Variants in RARB observed in about 807,000 individuals in gnomAD.
RARB encodes retinoic acid receptor beta.
In RARB, 17 loss-of-function variants were observed where a neutral mutation model predicts 51.9. The observed-to-expected ratio is 0.33, with a 90% confidence interval of 0.22 to 0.49. RARB has a LOEUF of 0.49. RARB is among the 20% of genes least tolerant of loss of function. The pLI is 0.99. For synonymous variants in RARB, 215 were observed against 195.4 expected, an observed-to-expected ratio of 1.10 and a Z score of -0.84; for missense variants, 369 against 550.8, an observed-to-expected ratio of 0.67 and a Z score of 3.30.
intron 3 of RARB, among the ~76,000 whole-genome samples, chr3:25,075,949 G>A (rs1698862977): frequency 6.6e-6 from 1 of 152,260 alleles, no homozygotes; most frequent in East Asian, 1.9e-4. Context: ...ATGTCTGAAA[G>A]AGAATGCTAG....
intron 5 of RARB, among the ~76,000 whole-genome samples, chr3:25,295,260 A>G (rs768651888): frequency 7.2e-5 from 11 of 152,124 alleles, no homozygotes; most frequent in South Asian, 2.1e-4. Context: ...CCAGTCCCCA[A>G]TGTGTTGGTA....
In RARB at chr3:25,448,991, A is replaced by G. The variant is rs959169975; in HGVS notation, c.158-12202A>G. Reference sequence around the variant, plus strand: ...TGACAGAAAAGCTATTGCACAACCAATTCTGGATATTGGGTTCATTCTTGT... The same window carrying G: ...TGACAGAAAAGCTATTGCACAACCAGTTCTGGATATTGGGTTCATTCTTGT... On this transcript the variant is annotated intron_variant, in intron 1 of 7. Transcript: ENST00000330688. Among the ~76,000 whole-genome samples, 5 of 152,080 alleles carry G rather than the reference A, an allele frequency of 3.3e-5. No homozygotes were observed. The East Asian group carries it at 5.8e-4, about 18-fold the overall frequency.
chr3:25,379,424 G>A (rs923315833), intron 5 of RARB, among the ~76,000 whole-genome samples: 4 of 152,196 alleles, frequency 2.6e-5, no homozygotes, highest in Non-Finnish European at 2.9e-5. Flanking sequence ...CCATGGGTAT[G>A]TCAGATTATG....
At chr3:25,532,341 TA>T (rs1352597141) in intron 3 of RARB, among the ~76,000 whole-genome samples, 2 of 152,232 alleles carry the variant, frequency 1.3e-5, no homozygotes, top group African/African-American at 4.8e-5. Flanking sequence ...ACATGCTTTT[TA>T]AATCATGTGG....
intron 2 of RARB, among the ~76,000 whole-genome samples, chr3:25,022,171 G>A (rs577954514): frequency 1.3e-4 from 20 of 152,268 alleles, no homozygotes; most frequent in Non-Finnish European, 2.4e-4. Context: ...TAACGAAATC[G>A]TAAATGTACA....
intron 2 of RARB, among the ~76,000 whole-genome samples, chr3:25,494,253 G>GCATGCGCGCGCACTCACACACACACA (rs1696897960): frequency 7.6e-6 from 1 of 131,852 alleles, no homozygotes. Context: ...TGTATCTTAC[G>GCATGCGCGCGCACTCACACACACACA]CACACACACA....
intron 5 of RARB, among the ~76,000 whole-genome samples, chr3:25,396,572 G>A (rs1304547132): frequency 6.6e-6 from 1 of 152,190 alleles, no homozygotes; most frequent in East Asian, 1.9e-4. Flanking sequence ...AAGTATTCAA[G>A]TTAGTAGGTA....
intron 3 of RARB, among the ~76,000 whole-genome samples, chr3:25,529,422 A>T (rs1447286308): frequency 6.6e-6 from 1 of 152,118 alleles, no homozygotes; most frequent in Non-Finnish European, 1.5e-5. Context: ...ACATAGGGTC[A>T]GCAACAGAAG....
At chr3:25,213,531 T>C (rs1004346906) in intron 5 of RARB, among the ~76,000 whole-genome samples, 1 of 152,236 alleles carries the variant, frequency 6.6e-6, no homozygotes, top group Non-Finnish European at 1.5e-5. Flanking sequence ...AGCATCCTTG[T>C]ACATGTCTTT....
chr3:25,369,242 A>G (rs890917216), intron 5 of RARB, among the ~76,000 whole-genome samples: 1 of 152,234 alleles, frequency 6.6e-6, no homozygotes, highest in Non-Finnish European at 1.5e-5. Flanking sequence ...CTTATTTTAT[A>G]TATGACACTG....
chr3:25,444,887 A>C (rs1708859466), intron 1 of RARB, among the ~76,000 whole-genome samples: 2 of 152,186 alleles, frequency 1.3e-5, no homozygotes, highest in East Asian at 1.9e-4. Context: ...TATTGAGCAG[A>C]CCATCTTTAG....
intron 1 of RARB, among the ~76,000 whole-genome samples, chr3:25,440,632 G>A (rs1031180657): frequency 1.3e-5 from 2 of 151,904 alleles, no homozygotes; most frequent in Non-Finnish European, 2.9e-5. Context: ...TTAGCTGGGC[G>A]TGGTGGTGCC....
intron 2 of RARB, among the ~76,000 whole-genome samples, chr3:24,885,373 C>G (rs1184771133): frequency 7.2e-5 from 11 of 152,180 alleles, no homozygotes; most frequent in Admixed American, 6.5e-4. Flanking sequence ...CAAGAATGTT[C>G]TGGTGGGGAT....
chr3:25,582,922 G>A (rs142490385), intron 5 of RARB, among the ~76,000 whole-genome samples: 269 of 152,310 alleles, frequency 1.8e-3, no homozygotes, highest in Non-Finnish European at 3.1e-3. Flanking sequence ...ATTAACAGCT[G>A]TAATACCTAG....
chr3:25,428,434 C>T lies in RARB; in HGVS notation c.-298C>T, dbSNP rs1708067138. 9.5e-6 allele frequency: 12 copies of T among 1,269,582 alleles called. No individual in the cohort carries two copies. The South Asian group carries it at 3.3e-4, about 34-fold the overall frequency. The allele number at this position is 1,269,582 out of a possible 1,614,324, so 78.6% of individuals were successfully genotyped here. A position where few individuals can be genotyped will look rare whatever the true frequency, so the allele number is the denominator to read the frequency against. ...GTCGGGGTAGGATCCGGAACGCATT[C>T]GGAAGGCTTTTTGCAAGCATTTACT... is the stretch of plus-strand genomic sequence containing the variant. On this transcript the variant is annotated 5_prime_UTR_variant, in exon 1 of 8. Coordinates refer to ENST00000330688, the MANE Select transcript of RARB (RefSeq NM_000965.5).
At chr3:24,862,043 A>T (rs1460480551) in intron 2 of RARB, among the ~76,000 whole-genome samples, 4 of 152,188 alleles carry the variant, frequency 2.6e-5, no homozygotes, top group Non-Finnish European at 5.9e-5. Flanking sequence ...TTATCAAATG[A>T]CCACCTTTTA....
At chr3:25,233,394 A>T (rs1487910628) in intron 5 of RARB, among the ~76,000 whole-genome samples, 1 of 152,152 alleles carries the variant, frequency 6.6e-6, no homozygotes, top group African/African-American at 2.4e-5. Flanking sequence ...ACGTCCTGCA[A>T]CCTTGCTAAC....
chr3:25,444,745 A>G (rs77243864), intron 1 of RARB, among the ~76,000 whole-genome samples: 3 of 152,316 alleles, frequency 2.0e-5, no homozygotes, highest in Non-Finnish European at 4.4e-5. Context: ...AAACATCTGC[A>G]TCTCAAAATA....
intron 2 of RARB, among the ~76,000 whole-genome samples, chr3:24,968,672 A>C (rs1696329720): frequency 6.6e-6 from 1 of 152,132 alleles, no homozygotes; most frequent in Non-Finnish European, 1.5e-5. Flanking sequence ...AGCCTAACCC[A>C]GACTTGCTCA....
Sources: allele counts gnomAD v4.1 joint callset (sites outside exome capture counted in the v4.1 genomes callset), GRCh38; gene constraint gnomAD v4.1.1; transcripts MANE v1.5; gene names NCBI Gene and HGNC (gene_info 2026-07-23, HGNC 2026-07-21).